The following DNAH10 variants were observed in gnomAD, a reference collection of about 807,000 sequenced individuals.
DNAH10 encodes the protein axonemal beta dynein heavy chain 10.
Under a neutral mutation model 506.6 loss-of-function variants are expected in DNAH10, and 348 were observed. The observed-to-expected ratio is 0.69, with a 90% CI of 0.63 to 0.75. The LOEUF (loss-of-function observed/expected upper bound fraction) is 0.75. Ranked by LOEUF, DNAH10 falls within the 30% of genes least tolerant of loss-of-function variation. DNAH10 has a pLI of 0.00. For synonymous variants in DNAH10, 2,059 were observed against 2,198.6 expected, an observed-to-expected ratio of 0.94 and a Z score of 1.78; for missense variants, 5,179 against 5,787.1, an observed-to-expected ratio of 0.89 and a Z score of 3.41.
chr12:123,881,603 C>A, intron 50 of DNAH10, 22 bp from the exon 51 acceptor site: 2 of 1,429,170 alleles, frequency 1.4e-6, no homozygotes, highest in Non-Finnish European at 1.9e-6. Context: ...GTTTTGAATT[C>A]TTTTTTTTTT....
intron 57 of DNAH10, chr12:123,908,173 GTCTCTCT>G (rs1953888768): frequency 3.4e-6 from 1 of 298,090 alleles, no homozygotes; most frequent in Non-Finnish European, 6.7e-6. Context: ...TCTCCTCCCT[GTCTCTCT>G]GTCTCCTCCC....
At chr12:123,922,302 G>T (rs1954765800) in intron 65 of DNAH10, among the ~76,000 whole-genome samples, 1 of 152,052 alleles carries the variant, frequency 6.6e-6, no homozygotes, top group African/African-American at 2.4e-5. Context: ...CTTGAACCCG[G>T]GAGGCGGAGG....
In DNAH10 at chr12:123,914,520, G is replaced by A. The variant is rs778606138; in HGVS notation, c.10544G>A (p.Ser3515Asn). 1 of 1,613,462 alleles carries A rather than the reference G, an allele frequency of 6.2e-7. No individual in the cohort carries two copies. The highest frequency in any genetic ancestry group is 1.1e-5 in the South Asian group (1 of 91,074). Reference protein sequence around the residue: ...IPLSQPFRLESLLTDDVEISR... With the variant: ...IPLSQPFRLENLLTDDVEISR... ...CTGAGCCAGCCTTTCCGGCTGGAAA[G>A]CCTGCTCACGGATGATGTTGAGATC... The change falls in exon 61 of 79, where the codon AGC becomes AAC. Residue 3515 changes from serine (S) to asparagine (N), a missense_variant. By Grantham distance (46) the Ser-to-Asn change is conservative (BLOSUM62 1). Transcript: ENST00000673944.
At position 123,913,176 on chromosome 12, in the gene DNAH10, A is replaced by G; in HGVS notation, c.10213A>G (p.Lys3405Glu). ...CCAGAATGAGTTGGCAGCAATTCAG[A>G]AAGAGCTGGAAACATTGGGTGCCAA... is the stretch of plus-strand genomic sequence containing the variant. Reference protein sequence around the residue: ...RIQNELAAIQKELETLGAKYE... With the variant: ...RIQNELAAIQEELETLGAKYE... Residue 3405 changes from lysine to glutamate, a missense_variant, in exon 60 of 79, where the codon AAA (lysine) becomes GAA (glutamate). Physicochemically the swap from Lys to Glu is moderately conservative, Grantham distance 56. Around this residue, in one of 3 missense-constraint regions of DNAH10, gnomAD observed 4,844 missense variants for 5,430.5 expected, o/e 0.89. Coordinates refer to ENST00000673944, the MANE Select transcript of DNAH10 (RefSeq NM_001372106.1). The surrounding 1 kb of genome is among the most constrained non-coding windows in gnomAD (Gnocchi z 5.1). The G allele has an allele frequency of 1.2e-6, 2 of 1,611,444 alleles. No homozygotes were observed. Among genetic ancestry groups the G allele is most frequent in the Non-Finnish European group, 1.7e-6 (2 of 1,179,146 alleles).
At chr12:123,805,145 T>A in intron 18 of DNAH10, 105 bp downstream of exon 18, 1 of 1,236,360 alleles carries the variant, frequency 8.1e-7, no homozygotes, top group Admixed American at 2.2e-5. Context: ...GAAAATCAGT[T>A]GGATGGTCAG....
intron 65 of DNAH10, among the ~76,000 whole-genome samples, chr12:123,920,417 T>G (rs1954673254): frequency 6.6e-6 from 1 of 152,244 alleles, no homozygotes; most frequent in Non-Finnish European, 1.5e-5. Flanking sequence ...TGGTGGCAAT[T>G]GTAGCACAAA....
At chr12:123,779,300 C>G (rs767982694) in intron 5 of DNAH10, among the ~76,000 whole-genome samples, 53 of 152,170 alleles carry the variant, frequency 3.5e-4, no homozygotes, top group Non-Finnish European at 6.5e-4. Context: ...CTTGGCCTCT[C>G]AAAGTGCTGG....
At chr12:123,910,807 C>T in intron 59 of DNAH10, 135 bp downstream of exon 59, 1 of 1,137,230 alleles carries the variant, frequency 8.8e-7, no homozygotes. Context: ...CCCTCCACCA[C>T]CCAATAAATG....
In DNAH10 at chr12:123,887,270, TGAG is replaced by T; in HGVS notation, c.8957_8959del (p.Glu2986del). The T allele has an allele frequency of 6.2e-7, 1 of 1,613,994 alleles. No homozygotes were observed. Among genetic ancestry groups the T allele is most frequent in the Non-Finnish European group, 8.5e-7 (1 of 1,179,892 alleles). On this transcript the variant is annotated inframe_deletion, in exon 52 of 79. Coordinates refer to ENST00000673944, the MANE Select transcript of DNAH10 (RefSeq NM_001372106.1). ...TTCTGTTCACGGATGCCCATGTGGC[TGAG>T]GAGGGCTTCCTGGAGCTCATCAACA...
At chr12:123,876,505 C>T (rs1952261061) in intron 47 of DNAH10, among the ~76,000 whole-genome samples, 1 of 152,064 alleles carries the variant, frequency 6.6e-6, no homozygotes, top group African/African-American at 2.4e-5. Context: ...TGGTGGCAGG[C>T]ACCTGTAGTC....
intron 56 of DNAH10, among the ~76,000 whole-genome samples, chr12:123,899,510 A>G (rs978787825): frequency 1.4e-4 from 22 of 151,950 alleles, no homozygotes; most frequent in Admixed American, 2.6e-4. Flanking sequence ...TTCCTTTGTC[A>G]TTGCACCCGG....
Position 123,865,967 on chromosome 12 carries a change from A to G in DNAH10, c.7061A>G (p.Tyr2354Cys). ...TTTATCCAGGTTGGAGATTTACAGT[A>G]TGCCTCCCCTGCAACTGTCTCTCGA... ...ALLFEVGDLQ[Y>C]ASPATVSRCG... Residue 2354 changes from tyrosine to cysteine, a missense_variant, in exon 41 of 79, where the codon TAT becomes TGT. Tyr to Cys is a radical substitution (Grantham distance 194, BLOSUM62 -2). This residue lies in a region of DNAH10 where 4,844 missense variants were observed against 5,430.5 expected (regional missense o/e 0.89). Coordinates refer to ENST00000673944, the MANE Select transcript of DNAH10 (RefSeq NM_001372106.1). The G allele has an allele frequency of 1.2e-6, 2 of 1,606,814 alleles. No homozygotes were observed. The highest frequency in any genetic ancestry group is 1.7e-6 in the Non-Finnish European group (2 of 1,177,692).
intron 25 of DNAH10, among the ~76,000 whole-genome samples, chr12:123,828,052 G>C (rs1220204970): frequency 6.6e-6 from 1 of 151,952 alleles, no homozygotes; most frequent in Admixed American, 6.6e-5. Flanking sequence ...CATCTATGCT[G>C]TCATGGCTTT....
intron 5 of DNAH10, among the ~76,000 whole-genome samples, chr12:123,776,867 A>G (rs553334470): frequency 6.6e-6 from 1 of 152,304 alleles, no homozygotes; most frequent in East Asian, 1.9e-4. Context: ...CTTTCATTCT[A>G]GACAGGAAGA....
intron 24 of DNAH10, among the ~76,000 whole-genome samples, chr12:123,826,357 T>C (rs1444051925): frequency 3.3e-5 from 5 of 152,162 alleles, no homozygotes; most frequent in Non-Finnish European, 7.3e-5. Flanking sequence ...AAGTACATCC[T>C]TTAAGACCCA....
chr12:123,933,303 C>T (rs760487965), intron 76 of DNAH10, 28 bp from the exon 77 acceptor site: 8 of 1,460,334 alleles, frequency 5.5e-6, no homozygotes, highest in Non-Finnish European at 7.3e-6. Context: ...GCCCCAGGCT[C>T]CCAGCACTTG....
rs533803900 is a variant in DNAH10 at position 123,879,757 on chromosome 12, T to C, written c.8590T>C (p.Tyr2864His). 6.2e-7 allele frequency: 1 copy of C among 1,614,050 alleles called. No individual in the cohort carries two copies. Among genetic ancestry groups the C allele is most frequent in the Non-Finnish European group, 8.5e-7 (1 of 1,179,898 alleles). ...TCTGCACGAAGGAGAACCACGCATT[T>C]ATGAAGACATCCAGGACTACGAGGC... ...MALHEGEPRI[Y>H]EDIQDYEAAK... Residue 2864 changes from tyrosine (Y) to histidine (H), a missense_variant, in exon 50 of 79, where the codon TAT becomes CAT. Transcript: ENST00000673944.
intron 2 of DNAH10, among the ~76,000 whole-genome samples, chr12:123,769,472 C>T (rs965447593): frequency 6.6e-5 from 10 of 152,084 alleles, no homozygotes; most frequent in Non-Finnish European, 1.3e-4. Flanking sequence ...CCACCACGCC[C>T]GGCCTAAAGT....
chr12:123,893,506 C>T (rs77583308), intron 53 of DNAH10, 70 bp downstream of exon 53: 94,318 of 1,565,884 alleles, frequency 0.06, 3,242 homozygotes, highest in African/African-American at 0.13. Context: ...GGTCTGTCCA[C>T]ACCTCTCCAG....
Sources: gnomAD v4.1 joint callset for allele counts (sites outside exome capture counted in the v4.1 genomes callset) on GRCh38, gnomAD v4.1.1 for gene constraint, gnomAD v4.1.1 regional missense constraint, Gnocchi (gnomAD v3.1) non-coding constraint, MANE v1.5 for transcripts, NCBI Gene and HGNC (gene_info 2026-07-23, HGNC 2026-07-21) for gene names.